PDLIM1: variants seen among roughly 807,000 people sequenced by gnomAD.
The protein encoded by PDLIM1 is PDZ and LIM domain protein 1.
In PDLIM1, 25 loss-of-function variants were observed where a neutral mutation model predicts 35.2. That is an observed-to-expected ratio of 0.71 (90% CI 0.52 to 0.99). The LOEUF is 0.99. Ranked by LOEUF, PDLIM1 falls within the 50% of genes least tolerant of loss-of-function variation. PDLIM1 has a pLI of 0.00. For missense variants in PDLIM1, 363 were observed against 415.3 expected, an observed-to-expected ratio of 0.87 and a Z score of 1.09; for synonymous variants, 152 against 154.0, an observed-to-expected ratio of 0.99 and a Z score of 0.10.
chr10:95,281,106 TC>T (rs1381393269), intron 1 of PDLIM1, among the ~76,000 whole-genome samples: 5 of 152,118 alleles, frequency 3.3e-5, no homozygotes, highest in African/African-American at 9.7e-5. Context: ...TTAAACTCTC[TC>T]CCTGAATGAA....
Position 95,237,980 on chromosome 10 carries a change from C to T in PDLIM1, c.935G>A (p.Arg312Gln), listed in dbSNP as rs1564595951. ...ACCCTCAGGTGGTGTGACTCGCTCC[C>T]GGGCATGCTTCTCACAGTAGATTTG... ...EDQIYCEKHA[R>Q]ERVTPPEGYE... Residue 312 changes from arginine (R) to glutamine (Q), a missense_variant, in exon 7 of 7, where the codon CGG becomes CAG. Physicochemically the swap from Arg to Gln is conservative, Grantham distance 43. Transcript: ENST00000329399. 1.1e-5 allele frequency: 17 copies of T among 1,614,168 alleles called. No homozygotes were observed. The highest frequency in any genetic ancestry group is 3.3e-5 in the Admixed American group (2 of 60,026).
intron 4 of PDLIM1, among the ~76,000 whole-genome samples, chr10:95,255,320 A>T (rs1012616638): frequency 2.2e-5 from 3 of 139,138 alleles, no homozygotes; most frequent in Admixed American, 7.6e-5. Context: ...AAAACCAAAG[A>T]TACTAAAAAA....
chr10:95,287,464 T>A (rs1316628426), intron 1 of PDLIM1, among the ~76,000 whole-genome samples: 1 of 152,082 alleles, frequency 6.6e-6, no homozygotes, highest in Non-Finnish European at 1.5e-5. Context: ...TAGCAAAGGG[T>A]TCCCCAGGAC....
chr10:95,276,428 T>C (rs1189415903), intron 1 of PDLIM1, among the ~76,000 whole-genome samples: 2 of 152,182 alleles, frequency 1.3e-5, no homozygotes, highest in African/African-American at 4.8e-5. Context: ...CCTGTACTGA[T>C]CTGGGGCCCA....
Position 95,264,961 on chromosome 10 carries a change from A to G in PDLIM1, c.334-898T>C, listed in dbSNP as rs45581834. On this transcript the variant is annotated intron_variant, in intron 3 of 6. Transcript: ENST00000329399. Reference sequence around the variant, plus strand: ...GCATCACAGCTTTTCTGATAGCCCAATCAGCAAGGTCCTTTCTATATGGGT... The same window carrying G: ...GCATCACAGCTTTTCTGATAGCCCAGTCAGCAAGGTCCTTTCTATATGGGT... Among the ~76,000 whole-genome samples the G allele has an allele frequency of 8.9e-3, 1,355 of 152,246 alleles. 30 individuals are homozygous for G. The highest frequency in any genetic ancestry group is 0.031 in the African/African-American group (1,288 of 41,552).
chr10:95,288,890 T>C (rs1432258796), intron 1 of PDLIM1, among the ~76,000 whole-genome samples: 1 of 152,248 alleles, frequency 6.6e-6, no homozygotes, highest in Non-Finnish European at 1.5e-5. Context: ...CTCTCATTTC[T>C]GAGGCGTTTG....
intron 1 of PDLIM1, among the ~76,000 whole-genome samples, chr10:95,276,113 C>A (rs541046846): frequency 3.3e-5 from 5 of 152,094 alleles, no homozygotes; most frequent in African/African-American, 4.8e-5. Flanking sequence ...AATATGATTA[C>A]CTCACCACCA....
Position 95,269,792 on chromosome 10 carries a change from A to G in PDLIM1, c.249-930T>C, listed in dbSNP as rs528270794. Among the ~76,000 whole-genome samples, 10 of 151,982 alleles carry G rather than the reference A, an allele frequency of 6.6e-5. No individual in the cohort carries two copies. In the South Asian group the frequency reaches 1.7e-3, roughly 25 times the overall value. On this transcript the variant is annotated intron_variant, in intron 2 of 6. Transcript: ENST00000329399. ...TGTCGCCCAGGCTGGAGTGCAATGA[A>G]TGGCGTGATCTTGGCTCACTGCAAC...
At chr10:95,244,736 T>C (rs942978261) in intron 5 of PDLIM1, among the ~76,000 whole-genome samples, 2 of 151,966 alleles carry the variant, frequency 1.3e-5, no homozygotes, top group East Asian at 3.9e-4. Context: ...CCCATCTCTA[T>C]TAAAAATACA....
chr10:95,260,783 G>A (rs144335840), intron 4 of PDLIM1, among the ~76,000 whole-genome samples: 3 of 152,234 alleles, frequency 2.0e-5, no homozygotes, highest in Non-Finnish European at 2.9e-5. Flanking sequence ...GAACTTCAGC[G>A]AATTTCACAG....
chr10:95,285,159 G>C (rs1440518934), intron 1 of PDLIM1, among the ~76,000 whole-genome samples: 1 of 152,162 alleles, frequency 6.6e-6, no homozygotes. Context: ...CACTGTCCAA[G>C]TGGGCATGGA....
intron 4 of PDLIM1, among the ~76,000 whole-genome samples, chr10:95,252,367 T>A (rs1160412231): frequency 1.3e-5 from 2 of 152,244 alleles, no homozygotes; most frequent in East Asian, 3.9e-4. Flanking sequence ...GTGGGGAAAG[T>A]GGACTTTCTA....
rs766156609 is a variant in PDLIM1 at position 95,237,817 on chromosome 10, G to A, written c.*108C>T. ...GGGGACTCAATGTTTTACAAGCAGA[G>A]GGAAAACCAAAGTAAGCAGAGAACT... On this transcript the variant is annotated 3_prime_UTR_variant, in exon 7 of 7. Coordinates refer to ENST00000329399, the MANE Select transcript of PDLIM1 (RefSeq NM_020992.4). 5 of 954,478 alleles carry A rather than the reference G, an allele frequency of 5.2e-6. No individual in the cohort carries two copies. Among genetic ancestry groups the A allele is most frequent in the African/African-American group, 3.3e-5 (2 of 61,000 alleles). The allele number at this position is 954,478 out of a possible 1,614,324, so 59.1% of individuals were successfully genotyped here. A position where few individuals can be genotyped will look rare whatever the true frequency, so the allele number is the denominator to read the frequency against.
intron 1 of PDLIM1, among the ~76,000 whole-genome samples, chr10:95,274,767 CAGTG>C (rs2035497296): frequency 6.6e-6 from 1 of 152,206 alleles, no homozygotes. Context: ...AAAATTTTAA[CAGTG>C]AGAAAATTAT....
chr10:95,285,097 C>A (rs1260237839), intron 1 of PDLIM1, among the ~76,000 whole-genome samples: 1 of 152,236 alleles, frequency 6.6e-6, no homozygotes, highest in Non-Finnish European at 1.5e-5. Flanking sequence ...TCCTATCCCC[C>A]ACAAGCAGGT....
At chr10:95,241,421 G>C (rs2035177273) in intron 5 of PDLIM1, among the ~76,000 whole-genome samples, 3 of 152,074 alleles carry the variant, frequency 2.0e-5, no homozygotes, top group Non-Finnish European at 4.4e-5. Context: ...CCCCTCTCTT[G>C]CCATGCTTAC....
chr10:95,251,105 G>C (rs2035264017), intron 4 of PDLIM1, among the ~76,000 whole-genome samples: 1 of 152,200 alleles, frequency 6.6e-6, no homozygotes, highest in Non-Finnish European at 1.5e-5. Flanking sequence ...GCTGGGGTGA[G>C]GGTCAGAAGG....
chr10:95,257,988 G>A (rs2035330904), intron 4 of PDLIM1, among the ~76,000 whole-genome samples: 1 of 152,154 alleles, frequency 6.6e-6, no homozygotes, highest in Non-Finnish European at 1.5e-5. Flanking sequence ...GGTTTAATTG[G>A]ACTTACAGTT....
chr10:95,262,643 T>C (rs1452344252), intron 4 of PDLIM1, among the ~76,000 whole-genome samples: 1 of 130,260 alleles, frequency 7.7e-6, no homozygotes, highest in African/African-American at 2.9e-5. Context: ...CCTCAGTTCC[T>C]CATCCTGCCT....
Sources: gnomAD v4.1 joint callset for allele counts (sites outside exome capture counted in the v4.1 genomes callset) on GRCh38, gnomAD v4.1.1 for gene constraint, MANE v1.5 for transcripts, NCBI Gene and HGNC (gene_info 2026-07-23, HGNC 2026-07-21) for gene names.